EPHA6: variants seen among roughly 807,000 people sequenced by gnomAD.
The protein encoded by EPHA6 is ephrin type-A receptor 6.
EPHA6 carries 50 observed loss-of-function variants against 112.0 expected under a neutral mutation model. That is an observed-to-expected ratio of 0.45 (90% CI 0.36 to 0.56). The LOEUF is 0.56. Among genes scored for constraint, EPHA6 ranks in the 20% least tolerant of loss-of-function variants. EPHA6 has a pLI of 0.00. For synonymous variants in EPHA6, 529 were observed against 490.7 expected (o/e 1.08, Z -1.03); for missense variants, 1,280 against 1,417.4 (o/e 0.90, Z 1.56).
At position 97,203,892 on chromosome 3, in the gene EPHA6, G is replaced by GT. The variant is rs764447457; in HGVS notation, c.1115-22370dup. ...TGATATACCTAATGCTAGATGATGA[G>GT]TTAGTGGGTGCAGCGCACCAGCGTG... On this transcript the variant is annotated intron_variant, in intron 3 of 17. Transcript: ENST00000389672. Among the ~76,000 whole-genome samples, 6 of 152,196 alleles carry GT rather than the reference G, an allele frequency of 3.9e-5. No individual in the cohort carries two copies. In the East Asian group the frequency reaches 9.7e-4, roughly 25 times the overall value.
Position 97,538,022 on chromosome 3 carries a change from T to C in EPHA6, c.2386+5479T>C, listed in dbSNP as rs568392849. The stretch of plus-strand genomic sequence containing the variant: ...GGGAGCAAACCATGCCTAGGTGTGA[T>C]AGAAGAGTATTCTAGAGAGAGGAAA... On this transcript the variant is annotated intron_variant, in intron 11 of 17. Transcript: ENST00000389672. Among the ~76,000 whole-genome samples the C allele has an allele frequency of 3.3e-5, 5 of 152,340 alleles. No homozygotes were observed. In the South Asian group the frequency reaches 8.3e-4, roughly 25 times the overall value.
chr3:97,755,196 T>A lies in EPHA6; in HGVS notation c.*6495T>A, dbSNP rs1486256149. Among the ~76,000 whole-genome samples the A allele has an allele frequency of 6.6e-6, 1 of 152,050 alleles. No homozygotes were observed. Among genetic ancestry groups the A allele is most frequent in the Non-Finnish European group, 1.5e-5 (1 of 67,996 alleles). On this transcript the variant is annotated 3_prime_UTR_variant, in exon 18 of 18. Transcript: ENST00000389672. ...GAATAACAAAGGTATTAAAGAAAAA[T>A]CACTTGACAGATGAGGAGGAAAAGT...
At chr3:97,550,403 C>T (rs1303998684) in intron 11 of EPHA6, among the ~76,000 whole-genome samples, 2 of 152,182 alleles carry the variant, frequency 1.3e-5, no homozygotes, top group African/African-American at 4.8e-5. Flanking sequence ...GTTGATAATG[C>T]TCCCACACAT....
rs140220991 is a variant in EPHA6 at position 97,148,052 on chromosome 3, T to A, written c.1115-78212T>A. ...ATCTAAAATTATTCAAATCTAAAGT[T>A]TATTTATAAAAATGCATTTATGACT... is the stretch of plus-strand genomic sequence containing the variant. On this transcript the variant is annotated intron_variant, in intron 3 of 17. Transcript: ENST00000389672. Among the ~76,000 whole-genome samples the A allele has an allele frequency of 2.1e-3, 314 of 152,250 alleles. 2 individuals are homozygous for A. Among genetic ancestry groups the A allele is most frequent in the African/African-American group, 7.3e-3 (305 of 41,566 alleles).
intron 3 of EPHA6, among the ~76,000 whole-genome samples, chr3:97,090,811 TAGAG>T (rs892952634): frequency 6.6e-6 from 1 of 151,996 alleles, no homozygotes; most frequent in African/African-American, 2.4e-5. Context: ...TCTAGAAACT[TAGAG>T]AGTTGAGATT....
chr3:97,019,105 A>G (rs957324389), intron 3 of EPHA6, among the ~76,000 whole-genome samples: 3 of 152,324 alleles, frequency 2.0e-5, no homozygotes, highest in East Asian at 1.9e-4. Context: ...TTACAAACTA[A>G]TGATTAATGA....
Position 97,113,289 on chromosome 3 carries a change from G to C in EPHA6, c.1115-112975G>C, listed in dbSNP as rs563162950. Among the ~76,000 whole-genome samples the C allele has an allele frequency of 6.6e-5, 10 of 152,208 alleles. No homozygotes were observed. In the East Asian group the frequency reaches 1.9e-3, roughly 29 times the overall value. On this transcript the variant is annotated intron_variant, in intron 3 of 17. Coordinates refer to ENST00000389672, the MANE Select transcript of EPHA6 (RefSeq NM_001080448.3). ...AAGAAACTTACTGGGAAATCCTCTAGTGAATAACATCTGTGAGGGAGTAAA... is the reference window on the plus strand; with the variant it reads ...AAGAAACTTACTGGGAAATCCTCTACTGAATAACATCTGTGAGGGAGTAAA...
chr3:97,326,277 A>G (rs11924966), intron 5 of EPHA6, among the ~76,000 whole-genome samples: 5,673 of 152,004 alleles, frequency 0.037, 308 homozygotes, highest in African/African-American at 0.12. Flanking sequence ...TTTAATGTAC[A>G]GATAGACAAC....
rs2036099977 is a variant in EPHA6 at position 97,759,317 on chromosome 3, A to G, written c.*10616A>G. Among the ~76,000 whole-genome samples, 1 of 151,984 alleles carries G rather than the reference A, an allele frequency of 6.6e-6. No homozygotes were observed. ...ATAGTGGAGTCAAATCCCAACTGAC[A>G]TGGATTAAGGCGAGATGTAAAGGAA... On this transcript the variant is annotated 3_prime_UTR_variant, in exon 18 of 18. Transcript: ENST00000389672.
At chr3:97,547,007 C>T (rs151112042) in intron 11 of EPHA6, among the ~76,000 whole-genome samples, 16 of 152,176 alleles carry the variant, frequency 1.1e-4, no homozygotes, top group African/African-American at 3.9e-4. Flanking sequence ...GCCATTGGTT[C>T]GAATTTCATC....
intron 2 of EPHA6, among the ~76,000 whole-genome samples, chr3:96,892,708 G>A (rs2038034494): frequency 6.6e-6 from 1 of 151,770 alleles, no homozygotes; most frequent in Admixed American, 6.6e-5. Flanking sequence ...TTCTCTTCAA[G>A]AAAATTCATA....
At chr3:96,917,058 A>G (rs1189281750) in intron 2 of EPHA6, among the ~76,000 whole-genome samples, 1 of 152,088 alleles carries the variant, frequency 6.6e-6, no homozygotes, top group Admixed American at 6.6e-5. Context: ...CCTACGTCGT[A>G]TCTTCTAACA....
intron 2 of EPHA6, among the ~76,000 whole-genome samples, chr3:96,954,104 G>T (rs1358258212): frequency 6.6e-6 from 1 of 151,944 alleles, no homozygotes; most frequent in Non-Finnish European, 1.5e-5. Flanking sequence ...AAACTCCTGG[G>T]CTCAAGTAAT....
chr3:97,606,151 TA>T (rs1429950164), intron 12 of EPHA6: 2 of 151,410 alleles, frequency 1.3e-5, no homozygotes, highest in Non-Finnish European at 3.0e-5. Flanking sequence ...ACTGTTTAAT[TA>T]TTTCTAGTGC....
chr3:97,589,312 A>G (rs541722196), intron 11 of EPHA6, among the ~76,000 whole-genome samples: 78 of 152,146 alleles, frequency 5.1e-4, no homozygotes, highest in Non-Finnish European at 1.2e-4. Context: ...GGATGATTTG[A>G]AAACTGATTA....
chr3:97,176,342 A>G lies in EPHA6; in HGVS notation c.1115-49922A>G, dbSNP rs373105361. Among the ~76,000 whole-genome samples the G allele has an allele frequency of 1.1e-3, 171 of 151,972 alleles. 1 individual carries two copies. Among genetic ancestry groups the G allele is most frequent in the African/African-American group, 3.0e-3 (123 of 41,538 alleles). On this transcript the variant is annotated intron_variant, in intron 3 of 17. Transcript: ENST00000389672. The stretch of plus-strand genomic sequence containing the variant: ...TTTTTCATCAATATTTGTCAGAGAT[A>G]TTGGCCTGTAGTTTTCATTTCTTGA...
chr3:97,721,885 TTTTGTTTG>T (rs1180070291), intron 15 of EPHA6, among the ~76,000 whole-genome samples: 1 of 152,146 alleles, frequency 6.6e-6, no homozygotes, highest in African/African-American at 2.4e-5. Context: ...TATTTGGGGA[TTTTGTTTG>T]TTTGTTTGTT....
chr3:97,670,353 A>G (rs1419201023), intron 14 of EPHA6, among the ~76,000 whole-genome samples: 3 of 152,190 alleles, frequency 2.0e-5, no homozygotes, highest in Non-Finnish European at 2.9e-5. Context: ...AAAAATAGAC[A>G]AAAGCAACCC....
At chr3:96,908,545 TTA>T (rs948450325) in intron 2 of EPHA6, among the ~76,000 whole-genome samples, 74 of 151,994 alleles carry the variant, frequency 4.9e-4, no homozygotes, top group African/African-American at 1.6e-3. Flanking sequence ...TAGGGTAAAC[TTA>T]TATGTTTTCA....
Sources: gnomAD v4.1 joint callset for allele counts (sites outside exome capture counted in the v4.1 genomes callset) on GRCh38, gnomAD v4.1.1 for gene constraint, MANE v1.5 for transcripts, NCBI Gene and HGNC (gene_info 2026-07-23, HGNC 2026-07-21) for gene names.